VDR: variants seen among roughly 807,000 people sequenced by gnomAD.
The protein encoded by VDR is vitamin D receptor.
VDR carries 19 observed loss-of-function variants against 39.7 expected under a neutral mutation model. The ratio of observed to expected loss-of-function variants is 0.48; its 90% CI spans 0.33 to 0.70. VDR has a LOEUF of 0.70. Among genes scored for constraint, VDR ranks in the 30% least tolerant of loss-of-function variants. The probability of loss-of-function intolerance (pLI) is 0.02; values close to 1 mark genes in which losing one functional copy is unlikely to be tolerated. For missense variants in VDR, 442 were observed against 570.5 expected (o/e 0.77, Z 2.29); for synonymous variants, 242 against 215.8 (o/e 1.12, Z -1.07).
At chr12:47,884,591 T>C (rs1284918245) in intron 1 of VDR, among the ~76,000 whole-genome samples, 1 of 152,212 alleles carries the variant, frequency 6.6e-6, no homozygotes, top group African/African-American at 2.4e-5. Context: ...CAGTGGGTAC[T>C]TTATTGCCCC....
chr12:47,857,492 A>G lies in VDR; in HGVS notation c.462+12T>C, dbSNP rs372194583. 1.2e-6 allele frequency: 2 copies of G among 1,614,088 alleles called. No individual in the cohort carries two copies. The highest frequency in any genetic ancestry group is 1.7e-5 in the Admixed American group (1 of 60,016). Reference sequence around the variant, plus strand: ...CTCTGGACCGGCTCATCCTCCCAGCAGGCAGACATACCCGGAACTGGCAGA... The same window carrying G: ...CTCTGGACCGGCTCATCCTCCCAGCGGGCAGACATACCCGGAACTGGCAGA... On this transcript the variant is annotated intron_variant, in intron 5 of 9. Transcript: ENST00000549336.
chr12:47,896,072 CA>C (rs1229230586), intron 1 of VDR, among the ~76,000 whole-genome samples: 1 of 152,238 alleles, frequency 6.6e-6, no homozygotes, highest in African/African-American at 2.4e-5. Flanking sequence ...CAACAAGAAC[CA>C]ATGAAATGCA....
chr12:47,861,543 T>C (rs574716436), intron 4 of VDR, among the ~76,000 whole-genome samples: 4 of 152,368 alleles, frequency 2.6e-5, no homozygotes, highest in Non-Finnish European at 5.9e-5. Flanking sequence ...AAATTTCTTA[T>C]CATTTTTTCA....
At chr12:47,874,296 C>T (rs1325044139) in intron 3 of VDR, among the ~76,000 whole-genome samples, 2 of 152,234 alleles carry the variant, frequency 1.3e-5, no homozygotes, top group Non-Finnish European at 1.5e-5. Context: ...CACTCATTTA[C>T]TTGTGCCCAT....
chr12:47,860,053 C>T (rs1376070179), intron 4 of VDR, among the ~76,000 whole-genome samples: 1 of 151,856 alleles, frequency 6.6e-6, no homozygotes, highest in Non-Finnish European at 1.5e-5. Flanking sequence ...ACCTCCACCT[C>T]CCGGGTTCTA....
At chr12:47,869,430 G>A (rs1945805376) in intron 3 of VDR, among the ~76,000 whole-genome samples, 1 of 151,834 alleles carries the variant, frequency 6.6e-6, no homozygotes, top group Admixed American at 6.6e-5. Flanking sequence ...CAGCTACTCG[G>A]GAGGCTGAGG....
intron 1 of VDR, among the ~76,000 whole-genome samples, chr12:47,897,800 C>T (rs537084653): frequency 9.1e-4 from 139 of 152,292 alleles, no homozygotes; most frequent in African/African-American, 3.2e-3. Context: ...CAAGGCCAGA[C>T]TCTGAAGAGA....
intron 1 of VDR, among the ~76,000 whole-genome samples, chr12:47,883,311 T>C (rs535844363): frequency 6.6e-6 from 1 of 152,300 alleles, no homozygotes; most frequent in East Asian, 1.9e-4. Context: ...CCTTGGCCTC[T>C]TGGGACAGCT....
At chr12:47,847,962 C>T (rs2238141) in intron 7 of VDR, among the ~76,000 whole-genome samples, 81,575 of 151,658 alleles carry the variant, frequency 0.54, 22,228 homozygotes, top group African/African-American at 0.59. Context: ...TGCAGTGGCG[C>T]GATCTCGGCT....
In VDR at chr12:47,873,022, T is replaced by C. The variant is rs73109892; in HGVS notation, c.146+5946A>G. On this transcript the variant is annotated intron_variant, in intron 3 of 9. Coordinates refer to ENST00000549336, the MANE Select transcript of VDR (RefSeq NM_000376.3). ...GCTGGAATTAGAATCAAGAACTGTTTGACTCCAAGGAATCTGACTGATATG... is the reference window on the plus strand; with the variant it reads ...GCTGGAATTAGAATCAAGAACTGTTCGACTCCAAGGAATCTGACTGATATG... Among the ~76,000 whole-genome samples the C allele has an allele frequency of 4.8e-3, 726 of 152,342 alleles. 5 individuals carry two copies. Among genetic ancestry groups the C allele is most frequent in the Non-Finnish European group, 9.2e-3 (625 of 68,030 alleles).
At chr12:47,891,798 T>C (rs1020315571) in intron 1 of VDR, among the ~76,000 whole-genome samples, 4 of 152,194 alleles carry the variant, frequency 2.6e-5, no homozygotes, top group Non-Finnish European at 5.9e-5. Flanking sequence ...GTGCTGATCC[T>C]GTACCTGCAT....
At chr12:47,870,265 G>A (rs1046520702) in intron 3 of VDR, among the ~76,000 whole-genome samples, 1 of 152,208 alleles carries the variant, frequency 6.6e-6, no homozygotes, top group South Asian at 2.1e-4. Flanking sequence ...AGGAGTCAGG[G>A]CAGCCAGACT....
At chr12:47,889,834 C>T (rs1347552869) in intron 1 of VDR, among the ~76,000 whole-genome samples, 1 of 152,136 alleles carries the variant, frequency 6.6e-6, no homozygotes, top group East Asian at 1.9e-4. Context: ...AACAAAAAAG[C>T]AGCTCAAGAC....
intron 5 of VDR, 68 bp downstream of exon 5, chr12:47,857,436 T>A: frequency 6.2e-7 from 1 of 1,611,290 alleles, no homozygotes; most frequent in Non-Finnish European, 8.5e-7. Flanking sequence ...CTGTCCCTAC[T>A]CCCTGGGCCC....
intron 1 of VDR, among the ~76,000 whole-genome samples, chr12:47,904,102 A>AGAG (rs11574014): frequency 0.63 from 93,363 of 148,516 alleles, 29,512 homozygotes; most frequent in African/African-American, 0.7. Context: ...AGGAGGAACA[A>AGAG]GAGGAGGAGG....
At chr12:47,868,344 A>G (rs150599253) in intron 3 of VDR, among the ~76,000 whole-genome samples, 107 of 152,350 alleles carry the variant, frequency 7.0e-4, no homozygotes, top group African/African-American at 2.4e-3. Context: ...CAGGGTTGTC[A>G]GGAGGTGGAG....
At position 47,857,264 on chromosome 12, in the gene VDR, T is replaced by G. The variant is rs746527258; in HGVS notation, c.463-15A>C. 1 of 1,614,128 alleles carries G rather than the reference T, an allele frequency of 6.2e-7. No individual in the cohort carries two copies. The highest frequency in any genetic ancestry group is 1.1e-5 in the South Asian group (1 of 91,058). On this transcript the variant is annotated splice_polypyrimidine_tract_variant and intron_variant, in intron 5 of 9. Coordinates refer to ENST00000549336, the MANE Select transcript of VDR (RefSeq NM_000376.3). ...CGAACTGGAGGCTGGAAGGGAAAGA[T>G]GGGGTCTCAGACCCACATTTTGGGG...
intron 3 of VDR, among the ~76,000 whole-genome samples, chr12:47,878,661 T>C (rs1303596539): frequency 6.6e-6 from 1 of 152,140 alleles, no homozygotes; most frequent in Non-Finnish European, 1.5e-5. Flanking sequence ...GGAGGTTCAC[T>C]CTGGAAGGAT....
chr12:47,880,811 T>C (rs7297462), intron 2 of VDR, among the ~76,000 whole-genome samples: 11,344 of 148,862 alleles, frequency 0.076, 476 homozygotes, highest in African/African-American at 0.11. Flanking sequence ...TTATACTTGC[T>C]AAACTCTAAT....
Sources: allele counts gnomAD v4.1 joint callset (sites outside exome capture counted in the v4.1 genomes callset), GRCh38; gene constraint gnomAD v4.1.1; transcripts MANE v1.5; gene names NCBI Gene and HGNC (gene_info 2026-07-23, HGNC 2026-07-21).